The following SGCZ variants were observed in gnomAD, a reference collection of about 807,000 sequenced individuals.
SGCZ encodes zeta-sarcoglycan.
SGCZ carries 40 observed loss-of-function variants against 41.3 expected under a neutral mutation model. The ratio of observed to expected loss-of-function variants is 0.97; its 90% CI spans 0.75 to 1.26. SGCZ has a LOEUF of 1.26. Ranked by LOEUF, SGCZ falls within the 50% of genes most tolerant of loss-of-function variation. The probability of loss-of-function intolerance (pLI) is 0.00; values close to 1 mark genes in which losing one functional copy is unlikely to be tolerated. For missense variants in SGCZ, 552 were observed against 369.8 expected, an observed-to-expected ratio of 1.49 and a Z score of -4.04; for synonymous variants, 206 against 137.5, an observed-to-expected ratio of 1.50 and a Z score of -3.49.
intron 1 of SGCZ, among the ~76,000 whole-genome samples, chr8:14,636,874 A>C (rs1806846069): frequency 6.6e-6 from 1 of 151,946 alleles, no homozygotes; most frequent in African/African-American, 2.4e-5. Flanking sequence ...AGAAGAATAA[A>C]ATACTGATGG....
chr8:14,901,767 A>G (rs1798979995), intron 1 of SGCZ, among the ~76,000 whole-genome samples: 1 of 152,204 alleles, frequency 6.6e-6, no homozygotes, highest in Admixed American at 6.5e-5. Flanking sequence ...AATCAGACTT[A>G]ACAGACTATA....
At chr8:14,830,966 G>C (rs1802505643) in intron 1 of SGCZ, among the ~76,000 whole-genome samples, 1 of 152,168 alleles carries the variant, frequency 6.6e-6, no homozygotes, top group Admixed American at 6.5e-5. Flanking sequence ...GGAAGTGGAA[G>C]TGTAGAAAGA....
At chr8:14,800,435 G>T (rs567627827) in intron 1 of SGCZ, among the ~76,000 whole-genome samples, 1 of 152,086 alleles carries the variant, frequency 6.6e-6, no homozygotes, top group Admixed American at 6.6e-5. Flanking sequence ...TTTTTATTTT[G>T]CATCTCTATG....
chr8:14,653,071 C>T (rs1807455147), intron 1 of SGCZ, among the ~76,000 whole-genome samples: 1 of 152,064 alleles, frequency 6.6e-6, no homozygotes, highest in Middle Eastern at 3.4e-3. Context: ...ACATAAAATC[C>T]TCTATGTCTA....
chr8:15,152,809 C>A (rs1243866073), intron 1 of SGCZ, among the ~76,000 whole-genome samples: 2 of 152,168 alleles, frequency 1.3e-5, no homozygotes, highest in Non-Finnish European at 2.9e-5. Context: ...AATACCTACA[C>A]CCTCCTAAGT....
intron 5 of SGCZ, among the ~76,000 whole-genome samples, chr8:14,132,014 C>T (rs1803056230): frequency 6.6e-6 from 1 of 152,026 alleles, no homozygotes; most frequent in Non-Finnish European, 1.5e-5. Context: ...AGGATGCATG[C>T]CTGTTGATAA....
intron 1 of SGCZ, among the ~76,000 whole-genome samples, chr8:14,803,909 G>T (rs1369289366): frequency 1.2e-5 from 1 of 83,870 alleles, no homozygotes; most frequent in Non-Finnish European, 2.1e-5. Flanking sequence ...CTCCTCAAGT[G>T]GGTTGCTGAC....
intron 1 of SGCZ, among the ~76,000 whole-genome samples, chr8:14,593,273 G>A (rs537120641): frequency 6.6e-6 from 1 of 152,290 alleles, no homozygotes; most frequent in African/African-American, 2.4e-5. Flanking sequence ...ACAATGATGA[G>A]AGAAGCAAGT....
intron 7 of SGCZ, among the ~76,000 whole-genome samples, chr8:14,095,543 T>G (rs1002460638): frequency 6.6e-6 from 1 of 152,212 alleles, no homozygotes; most frequent in African/African-American, 2.4e-5. Context: ...GCATGATGCC[T>G]GCAGCTTTGT....
chr8:14,714,245 G>C (rs567052859), intron 1 of SGCZ, among the ~76,000 whole-genome samples: 1 of 152,162 alleles, frequency 6.6e-6, no homozygotes, highest in East Asian at 1.9e-4. Flanking sequence ...AAGATTACAG[G>C]CATGAGCCAC....
intron 1 of SGCZ, among the ~76,000 whole-genome samples, chr8:14,822,675 C>T (rs1253413365): frequency 6.6e-6 from 1 of 151,972 alleles, no homozygotes; most frequent in Non-Finnish European, 1.5e-5. Flanking sequence ...CAAATTTACC[C>T]ACTTACAGCC....
chr8:15,227,806 G>T (rs1278135610), intron 1 of SGCZ, among the ~76,000 whole-genome samples: 1 of 152,100 alleles, frequency 6.6e-6, no homozygotes, highest in Non-Finnish European at 1.5e-5. Flanking sequence ...CAAATAAGAT[G>T]GATGGTGCAT....
At chr8:14,099,727 A>G (rs1801953753) in intron 7 of SGCZ, among the ~76,000 whole-genome samples, 1 of 151,918 alleles carries the variant, frequency 6.6e-6, no homozygotes, top group Non-Finnish European at 1.5e-5. Context: ...CTCTGTCTCA[A>G]AAAAAAATGC....
intron 4 of SGCZ, chr8:14,164,905 G>A (rs1314497809): frequency 1.5e-5 from 9 of 585,092 alleles, no homozygotes; most frequent in Non-Finnish European, 2.6e-5. Flanking sequence ...GGCTGGTTAG[G>A]CATACAGGTG....
intron 4 of SGCZ, among the ~76,000 whole-genome samples, chr8:14,232,366 T>C (rs904084041): frequency 2.6e-5 from 4 of 151,952 alleles, no homozygotes; most frequent in Admixed American, 1.3e-4. Flanking sequence ...GTTTCTATTG[T>C]TAAGTGATGT....
At chr8:14,397,995 A>C (rs942109641) in intron 2 of SGCZ, among the ~76,000 whole-genome samples, 2 of 152,144 alleles carry the variant, frequency 1.3e-5, no homozygotes, top group African/African-American at 2.4e-5. Flanking sequence ...TCTTCCTCTC[A>C]GAATGCTATT....
chr8:15,167,525 G>A (rs1463467909), intron 1 of SGCZ, among the ~76,000 whole-genome samples: 1 of 152,216 alleles, frequency 6.6e-6, no homozygotes, highest in Non-Finnish European at 1.5e-5. Flanking sequence ...GGTCTTAGCT[G>A]AGATTCCTTG....
At position 15,122,607 on chromosome 8, in the gene SGCZ, G is replaced by A. The variant is rs1018124275; in HGVS notation, c.39+114978C>T. The stretch of plus-strand genomic sequence containing the variant: ...GCGAATAAAAAGAATGGGAAATCAC[G>A]TTAACTGAATGCCCAGCATGAGCCC... On this transcript the variant is annotated intron_variant, in intron 1 of 7. Transcript: ENST00000382080. Among the ~76,000 whole-genome samples, 4 of 152,216 alleles carry A rather than the reference G, an allele frequency of 2.6e-5. No homozygotes were observed. The South Asian group carries it at 6.2e-4, about 24-fold the overall frequency.
intron 2 of SGCZ, among the ~76,000 whole-genome samples, chr8:14,515,614 A>G (rs1243780338): frequency 2.0e-5 from 3 of 152,256 alleles, no homozygotes; most frequent in African/African-American, 4.8e-5. Flanking sequence ...GCAGAATGCA[A>G]TAAACATCAT....
Sources: gnomAD v4.1 joint callset for allele counts (sites outside exome capture counted in the v4.1 genomes callset) on GRCh38, gnomAD v4.1.1 for gene constraint, MANE v1.5 for transcripts, NCBI Gene and HGNC (gene_info 2026-07-23, HGNC 2026-07-21) for gene names.